LTV1: variants seen among roughly 807,000 people sequenced by gnomAD.
LTV1 encodes protein LTV1 homolog.
LTV1 carries 39 observed loss-of-function variants against 59.9 expected under a neutral mutation model. The ratio of observed to expected loss-of-function variants is 0.65; its 90% CI spans 0.50 to 0.85. The LOEUF (loss-of-function observed/expected upper bound fraction) is 0.85, where lower values mean the gene tolerates loss of function less well. Among genes scored for constraint, LTV1 ranks in the 40% least tolerant of loss-of-function variants. LTV1 has a pLI of 0.00. For missense variants in LTV1, 493 were observed against 549.1 expected, an observed-to-expected ratio of 0.90 and a Z score of 1.02; for synonymous variants, 171 against 189.5, an observed-to-expected ratio of 0.90 and a Z score of 0.80.
chr6:143,857,888 A>G lies in LTV1; in HGVS notation c.676A>G (p.Ile226Val), dbSNP rs749172482. The G allele has an allele frequency of 1.3e-5, 21 of 1,614,168 alleles. 1 individual carries two copies. In the South Asian group the frequency reaches 2.1e-4, roughly 16 times the overall value. ...MSVPGKTHRAIADHLFWSEET... is the reference protein window; with the variant it reads ...MSVPGKTHRAVADHLFWSEET... ...TGTGCCCGGAAAAACTCACAGAGCT[A>G]TAGCAGATCACTTGTTCTGGAGTGA... Residue 226 changes from isoleucine (I) to valine (V), a missense_variant, in exon 6 of 11, where the codon ATA (isoleucine) becomes GTA (valine). Transcript: ENST00000367576. The surrounding 1 kb of genome is among the most constrained non-coding windows in gnomAD (Gnocchi z 5.2).
rs1777092807 is a variant in LTV1 at position 143,857,325 on chromosome 6, T to C, written c.420T>C (p.Pro140=). 3 of 1,613,688 alleles carry C rather than the reference T, an allele frequency of 1.9e-6. No individual in the cohort carries two copies. The African/African-American group carries it at 4.0e-5, about 22-fold the overall frequency. ...TAGGACCTCGACTGGATTTTGATCC[T>C]GACATTGTTGCAGCTCTTGATGATG... The part of the protein sequence containing the change: ...PVSGPRLDFD[P]DIVAALDDDF... Residue 140 remains proline (P), a synonymous_variant, in exon 5 of 11, where the codon CCT becomes CCC. Transcript: ENST00000367576. The surrounding 1 kb of genome is among the most constrained non-coding windows in gnomAD (Gnocchi z 5.2).
At chr6:143,848,846 A>T (rs960318197) in intron 3 of LTV1, among the ~76,000 whole-genome samples, 7 of 152,204 alleles carry the variant, frequency 4.6e-5, no homozygotes, top group African/African-American at 1.4e-4. Flanking sequence ...AGGAGAAGGA[A>T]CATTTTCAGT....
chr6:143,852,024 C>T (rs1776991456), intron 4 of LTV1, among the ~76,000 whole-genome samples: 1 of 152,210 alleles, frequency 6.6e-6, no homozygotes. Context: ...AACAGTGCTA[C>T]AATAAACCTA....
chr6:143,862,869 T>C lies in LTV1; in HGVS notation c.1089T>C (p.His363=), dbSNP rs894926497. ...ICSTYSNLYN[H]PQLIKYQPKP... ...GTACATACTCAAATTTATATAACCATCCACAGCTTATCAAGTATCAACCAA... is the reference window on the plus strand; with the variant it reads ...GTACATACTCAAATTTATATAACCACCCACAGCTTATCAAGTATCAACCAA... Residue 363 remains histidine, a synonymous_variant, in exon 9 of 11, where the codon CAT becomes CAC. Transcript: ENST00000367576. The surrounding 1 kb of genome is among the most constrained non-coding windows in gnomAD (Gnocchi z 4.2). 3 of 1,593,788 alleles carry C rather than the reference T, an allele frequency of 1.9e-6. No individual in the cohort carries two copies. Among genetic ancestry groups the C allele is most frequent in the Non-Finnish European group, 2.6e-6 (3 of 1,161,628 alleles).
rs1268252791 is a variant in LTV1 at position 143,863,307 on chromosome 6, G to A, written c.1317+21G>A. On this transcript the variant is annotated intron_variant, in intron 10 of 10. Transcript: ENST00000367576. The surrounding 1 kb of genome is among the most constrained non-coding windows in gnomAD (Gnocchi z 4.5). ...GCAAGGTAAAATATATTTTTCAAAT[G>A]TGAGATTTACAAAGAGCTGGTGGAG... 1.2e-6 allele frequency: 2 copies of A among 1,610,276 alleles called. No homozygotes were observed. The highest frequency in any genetic ancestry group is 2.2e-5 in the East Asian group (1 of 44,818).
chr6:143,862,838 GT>G lies in LTV1; in HGVS notation c.1064-3del. On this transcript the variant is annotated splice_region_variant and splice_polypyrimidine_tract_variant and intron_variant, in intron 8 of 10. Coordinates refer to ENST00000367576, the MANE Select transcript of LTV1 (RefSeq NM_032860.5). This position sits in a 1 kb window ranked among gnomAD's most constrained non-coding sequence, Gnocchi z 4.2. ...ACTGATACATGACTTTTATTTGTTT[GT>G]TTAGGTACATACTCAAATTTATATA... 6.5e-7 allele frequency: 1 copy of G among 1,535,340 alleles called. No individual in the cohort carries two copies. Among genetic ancestry groups the G allele is most frequent in the Non-Finnish European group, 9.0e-7 (1 of 1,108,784 alleles).
In LTV1 at chr6:143,857,959, C is replaced by A. The variant is rs1478326725; in HGVS notation, c.747C>A (p.Val249=). The A allele has an allele frequency of 3.7e-6, 6 of 1,613,618 alleles. No homozygotes were observed. The highest frequency in any genetic ancestry group is 1.1e-5 in the South Asian group (1 of 91,038). Residue 249 remains valine (V), a synonymous_variant, in exon 6 of 11, where the codon GTC becomes GTA. Transcript: ENST00000367576. This position sits in a 1 kb window ranked among gnomAD's most constrained non-coding sequence, Gnocchi z 5.2. ...RFTEYSMTSS[V]MRRNEQLTLH... The stretch of plus-strand genomic sequence containing the variant: ...CGGAGTATTCGATGACTTCCTCAGT[C>A]ATGAGGAGAAATGAACAGCTGACCC...
At chr6:143,844,005 CTT>C (rs1231158092) in intron 1 of LTV1, among the ~76,000 whole-genome samples, 4 of 152,310 alleles carry the variant, frequency 2.6e-5, no homozygotes, top group African/African-American at 7.2e-5. Context: ...TCTTATTAAA[CTT>C]TAGCTGTTTG....
Position 143,857,385 on chromosome 6 carries a change from G to A in LTV1, c.480G>A (p.Glu160=), listed in dbSNP as rs1199578025. The A allele has an allele frequency of 6.2e-7, 1 of 1,614,030 alleles. No individual in the cohort carries two copies. Among genetic ancestry groups the A allele is most frequent in the Non-Finnish European group, 8.5e-7 (1 of 1,179,968 alleles). The part of the protein sequence containing the change: ...FDFDDPDNLL[E]DDFILQANKA... ...TTGATGATCCAGATAATCTGCTTGAGGATGACTTTATTCTTCAGGCCAATA... is the reference window on the plus strand; with the variant it reads ...TTGATGATCCAGATAATCTGCTTGAAGATGACTTTATTCTTCAGGCCAATA... The change falls in exon 5 of 11, where the codon GAG becomes GAA. Residue 160 remains glutamate, a synonymous_variant. Transcript: ENST00000367576. This position sits in a 1 kb window ranked among gnomAD's most constrained non-coding sequence, Gnocchi z 5.2.
At chr6:143,854,944 C>T (rs9496782) in intron 4 of LTV1, among the ~76,000 whole-genome samples, 3,319 of 152,112 alleles carry the variant, frequency 0.022, 125 homozygotes, top group African/African-American at 0.074. Flanking sequence ...TGGAGAGTTA[C>T]GTCACTGTCT....
In LTV1 at chr6:143,862,246, A is replaced by G. The variant is rs1179924227; in HGVS notation, c.1063+3A>G. 2 of 1,611,048 alleles carry G rather than the reference A, an allele frequency of 1.2e-6. No homozygotes were observed. The highest frequency in any genetic ancestry group is 2.2e-5 in the East Asian group (1 of 44,852). On this transcript the variant is annotated splice_donor_region_variant and intron_variant, in intron 8 of 10. Transcript: ENST00000367576. This position sits in a 1 kb window ranked among gnomAD's most constrained non-coding sequence, Gnocchi z 4.2. Reference sequence around the variant, plus strand: ...GTGGGATTGTGAATCTATTTGTAGTAAGTATATTCACTTTATGATAGTAAT... The same window carrying G: ...GTGGGATTGTGAATCTATTTGTAGTGAGTATATTCACTTTATGATAGTAAT...
chr6:143,851,816 A>G lies in LTV1; in HGVS notation c.397+1598A>G, dbSNP rs13217623. Reference sequence around the variant, plus strand: ...TCAACTCCCACTTATGAGTGAGAACATGCGGTGTTTGGTTTTCTGTTCCTG... The same window carrying G: ...TCAACTCCCACTTATGAGTGAGAACGTGCGGTGTTTGGTTTTCTGTTCCTG... On this transcript the variant is annotated intron_variant, in intron 4 of 10. Coordinates refer to ENST00000367576, the MANE Select transcript of LTV1 (RefSeq NM_032860.5). 7.7e-3 allele frequency among the ~76,000 whole-genome samples: 1,176 copies of G among 152,138 alleles called. 14 individuals carry two copies. The highest frequency in any genetic ancestry group is 0.028 in the South Asian group (136 of 4,812).
intron 3 of LTV1, among the ~76,000 whole-genome samples, chr6:143,849,790 T>C (rs1016169215): frequency 6.6e-6 from 1 of 152,170 alleles, no homozygotes; most frequent in African/African-American, 2.4e-5. Context: ...TTGGTTTTTT[T>C]CTTGGGGGCT....
Position 143,862,291 on chromosome 6 carries a change from T to A in LTV1, c.1063+48T>A. 6.4e-7 allele frequency: 1 copy of A among 1,566,348 alleles called. No individual in the cohort carries two copies. The highest frequency in any genetic ancestry group is 1.1e-5 in the South Asian group (1 of 87,638). On this transcript the variant is annotated intron_variant, in intron 8 of 10. Coordinates refer to ENST00000367576, the MANE Select transcript of LTV1 (RefSeq NM_032860.5). This position sits in a 1 kb window ranked among gnomAD's most constrained non-coding sequence, Gnocchi z 4.2. ...AGTAATTTTAAAGTATTAAAGTATA[T>A]CAACTTTAGGCTGGGTGCGGTGCCT...
At position 143,852,146 on chromosome 6, in the gene LTV1, C is replaced by T. The variant is rs1464936466; in HGVS notation, c.397+1928C>T. Among the ~76,000 whole-genome samples, 7 of 152,182 alleles carry T rather than the reference C, an allele frequency of 4.6e-5. 1 individual carries two copies. The East Asian group carries it at 1.3e-3, about 29-fold the overall frequency. The stretch of plus-strand genomic sequence containing the variant: ...TGGTTCTAGATCCTTGAGGAATCGC[C>T]ACACTGTCTTCCACAATGGTTGAAC... On this transcript the variant is annotated intron_variant, in intron 4 of 10. Coordinates refer to ENST00000367576, the MANE Select transcript of LTV1 (RefSeq NM_032860.5).
chr6:143,854,366 G>A (rs906439637), intron 4 of LTV1, among the ~76,000 whole-genome samples: 1 of 152,132 alleles, frequency 6.6e-6, no homozygotes, highest in African/African-American at 2.4e-5. Flanking sequence ...CTGGCTAGCA[G>A]TCTATCTATT....
chr6:143,863,622 T>C lies in LTV1; in HGVS notation c.*95T>C. On this transcript the variant is annotated 3_prime_UTR_variant, in exon 11 of 11. Transcript: ENST00000367576. This position sits in a 1 kb window ranked among gnomAD's most constrained non-coding sequence, Gnocchi z 4.5. ...AGAAAGACAAAACTGTTTGCCATTTTTACTGGCAGATAAGAGGAAAATACA... is the reference window on the plus strand; with the variant it reads ...AGAAAGACAAAACTGTTTGCCATTTCTACTGGCAGATAAGAGGAAAATACA... The C allele has an allele frequency of 1.4e-6, 1 of 716,892 alleles. No homozygotes were observed. The highest frequency in any genetic ancestry group is 2.3e-6 in the Non-Finnish European group (1 of 434,054). The allele number at this position is 716,892 out of a possible 1,614,324, so 44.4% of individuals were successfully genotyped here. A position where few individuals can be genotyped will look rare whatever the true frequency, so the allele number is the denominator to read the frequency against.
intron 4 of LTV1, among the ~76,000 whole-genome samples, chr6:143,852,566 A>C (rs1409372932): frequency 6.6e-6 from 1 of 152,128 alleles, no homozygotes; most frequent in Non-Finnish European, 1.5e-5. Flanking sequence ...GAAGCTCTTT[A>C]ATTTAATTAG....
intron 3 of LTV1, among the ~76,000 whole-genome samples, chr6:143,847,283 A>C (rs1776909854): frequency 6.6e-6 from 1 of 152,222 alleles, no homozygotes; most frequent in Admixed American, 6.5e-5. Flanking sequence ...TAGTGGCTCA[A>C]CTTGTTTATC....
Sources: allele counts gnomAD v4.1 joint callset (sites outside exome capture counted in the v4.1 genomes callset), GRCh38; gene constraint gnomAD v4.1.1; non-coding constraint Gnocchi (gnomAD v3.1); transcripts MANE v1.5; gene names NCBI Gene and HGNC (gene_info 2026-07-23, HGNC 2026-07-21).